The following DDX10 variants were observed in gnomAD, a reference collection of about 807,000 sequenced individuals.
DDX10 encodes probable ATP-dependent RNA helicase DDX10.
In DDX10, 74 loss-of-function variants were observed where a neutral mutation model predicts 104.3. The ratio of observed to expected loss-of-function variants is 0.71; its 90% CI spans 0.59 to 0.86. The LOEUF is 0.86. DDX10 is among the 40% of genes least tolerant of loss of function. The pLI, the probability that DDX10 is intolerant of heterozygous loss-of-function variation, is 0.00. For missense variants in DDX10, 952 were observed against 1,040.0 expected (o/e 0.92, Z 1.16); for synonymous variants, 351 against 353.4 (o/e 0.99, Z 0.08).
intron 13 of DDX10, among the ~76,000 whole-genome samples, chr11:108,725,205 T>C (rs1376087345): frequency 6.6e-6 from 1 of 152,136 alleles, no homozygotes; most frequent in Non-Finnish European, 1.5e-5. Context: ...GATGTAGGTT[T>C]TCTTAAGCTT....
intron 13 of DDX10, among the ~76,000 whole-genome samples, chr11:108,757,855 C>CA (rs2094346302): frequency 6.6e-6 from 1 of 151,964 alleles, no homozygotes; most frequent in South Asian, 2.1e-4. Context: ...ACTCTGTGAT[C>CA]GATCTCTTAA....
intron 13 of DDX10, among the ~76,000 whole-genome samples, chr11:108,766,401 A>G (rs901528226): frequency 2.0e-5 from 3 of 152,222 alleles, no homozygotes; most frequent in Non-Finnish European, 2.9e-5. Flanking sequence ...ACTCAAGTAC[A>G]TACCTATGTA....
chr11:108,839,183 G>T (rs1862602559), intron 14 of DDX10, among the ~76,000 whole-genome samples: 1 of 152,184 alleles, frequency 6.6e-6, no homozygotes, highest in African/African-American at 2.4e-5. Flanking sequence ...AATAGATCCA[G>T]TATGTCAAGT....
At chr11:108,686,717 C>T (rs2094244668) in intron 6 of DDX10, among the ~76,000 whole-genome samples, 3 of 152,150 alleles carry the variant, frequency 2.0e-5, no homozygotes, top group Admixed American at 2.0e-4. Context: ...TTTTGCAGAT[C>T]TTTGTGTGGA....
At chr11:108,733,786 G>C (rs534052645) in intron 13 of DDX10, among the ~76,000 whole-genome samples, 1 of 151,784 alleles carries the variant, frequency 6.6e-6, no homozygotes. Context: ...ATTGGTTCTC[G>C]TTGTTCTTCT....
In DDX10 at chr11:108,841,387, A is replaced by G. The variant is rs778802189; in HGVS notation, c.2158A>G (p.Ile720Val). 5.6e-6 allele frequency: 9 copies of G among 1,613,820 alleles called. No homozygotes were observed. The African/African-American group carries it at 1.2e-4, about 22-fold the overall frequency. ...TGAGGAAGATGATGACACAGGTGGT[A>G]TCAACTTACATAAAGCAAAGGAAAG... ...DAEEDDDTGG[I>V]NLHKAKERLQ... The change falls in exon 15 of 18, where the codon ATC (isoleucine) becomes GTC (valine). Residue 720 changes from isoleucine to valine, a missense_variant. By Grantham distance (29) the Ile-to-Val change is conservative. Transcript: ENST00000322536.
rs2094255434 is a variant in DDX10, at chr11:108,693,427, A to G, written c.1139-89A>G. 4.4e-6 allele frequency: 4 copies of G among 912,308 alleles called. No homozygotes were observed. The East Asian group carries it at 9.6e-5, about 22-fold the overall frequency. 56.5% of individuals were successfully genotyped at this position (912,308 alleles called of 1,614,324 possible). ...TATCCATCAGTTTGATGTGATGAAA[A>G]GTCCTGGCAAGCAATATTTTAAGAT... is the stretch of plus-strand genomic sequence containing the variant. On this transcript the variant is annotated intron_variant, in intron 8 of 17. Transcript: ENST00000322536.
At chr11:108,741,653 G>C (rs1311730507) in intron 13 of DDX10, among the ~76,000 whole-genome samples, 1 of 152,136 alleles carries the variant, frequency 6.6e-6, no homozygotes, top group Non-Finnish European at 1.5e-5. Flanking sequence ...ATTGATTTTT[G>C]TATCCTGAAA....
rs1336203233 is a variant in DDX10 at position 108,841,355 on chromosome 11, A to G, written c.2126A>G (p.Lys709Arg). Residue 709 changes from lysine (K) to arginine (R), a missense_variant, in exon 15 of 18, where the codon AAG becomes AGG. Transcript: ENST00000322536. ...QWPQMQKSAI[K>R]DAEEDDDTGG... The stretch of plus-strand genomic sequence containing the variant: ...CCACAAATGCAGAAATCTGCCATCA[A>G]GGATGCTGAGGAAGATGATGACACA... 4 of 1,613,730 alleles carry G rather than the reference A, an allele frequency of 2.5e-6. No homozygotes were observed. Among genetic ancestry groups the G allele is most frequent in the Non-Finnish European group, 3.4e-6 (4 of 1,179,886 alleles).
chr11:108,737,717 T>A (rs2134491710), intron 13 of DDX10, among the ~76,000 whole-genome samples: 1 of 152,310 alleles, frequency 6.6e-6, no homozygotes, highest in South Asian at 2.1e-4. Flanking sequence ...GGAGCCGTTT[T>A]CCTTCCTGTT....
chr11:108,921,638 T>A (rs950449626), intron 17 of DDX10: 1 of 152,220 alleles, frequency 6.6e-6, no homozygotes, highest in East Asian at 1.9e-4. Flanking sequence ...TTCACTCTTA[T>A]GGGACTAGAT....
intron 16 of DDX10, among the ~76,000 whole-genome samples, chr11:108,879,497 G>A (rs1040011499): frequency 6.6e-6 from 1 of 152,098 alleles, no homozygotes; most frequent in Non-Finnish European, 1.5e-5. Flanking sequence ...TTTCTACATT[G>A]CTCCCACTGA....
intron 13 of DDX10, among the ~76,000 whole-genome samples, chr11:108,808,721 G>GCTCATGTCT (rs1862135772): frequency 6.6e-6 from 1 of 152,102 alleles, no homozygotes. Context: ...TGTCAGCCAT[G>GCTCATGTCT]CTCATGTCTC....
rs1863280597 is a variant in DDX10 at position 108,885,236 on chromosome 11, A to G, written c.2305-32637A>G. Among the ~76,000 whole-genome samples, 4 of 152,040 alleles carry G rather than the reference A, an allele frequency of 2.6e-5. No individual in the cohort carries two copies. In the South Asian group the frequency reaches 8.3e-4, roughly 32 times the overall value. On this transcript the variant is annotated intron_variant, in intron 16 of 17. Coordinates refer to ENST00000322536, the MANE Select transcript of DDX10 (RefSeq NM_004398.4). The stretch of plus-strand genomic sequence containing the variant: ...ACTACCAGTTTTTTCTCAAACTCAT[A>G]TCTAATCTTGTCATTCTCCTGGTAC...
rs750613400 is a variant in DDX10 at position 108,852,162 on chromosome 11, C to G, written c.2257C>G (p.Leu753Val). ...KIKAKHREKRLKEREARREAN... is the reference protein window; with the variant it reads ...KIKAKHREKRVKEREARREAN... ...TCTTCCTTGTCTCCAGGAGAAAAGA[C>G]TGAAAGAAAGGGAAGCCAGAAGAGA... Residue 753 changes from leucine to valine, a missense_variant, in exon 16 of 18, where the codon CTG becomes GTG. Physicochemically the swap from Leu to Val is conservative, Grantham distance 32 (BLOSUM62 1). This residue lies in a region of DDX10 where 533 missense variants were observed against 534.1 expected (regional missense o/e 1.00). Transcript: ENST00000322536. The G allele has an allele frequency of 2.2e-5, 36 of 1,610,438 alleles. No homozygotes were observed. In the East Asian group the frequency reaches 7.6e-4, roughly 34 times the overall value.
At chr11:108,675,945 TACTG>T (rs1480634985) in intron 3 of DDX10, among the ~76,000 whole-genome samples, 4 of 152,230 alleles carry the variant, frequency 2.6e-5, no homozygotes, top group Non-Finnish European at 4.4e-5. Flanking sequence ...CTCAATAACT[TACTG>T]AATGAATGAA....
intron 16 of DDX10, among the ~76,000 whole-genome samples, chr11:108,907,624 C>T (rs1863614751): frequency 6.6e-6 from 1 of 152,172 alleles, no homozygotes; most frequent in Non-Finnish European, 1.5e-5. Flanking sequence ...AATGTGTTGC[C>T]TTCCTCTCAT....
At chr11:108,701,204 A>C (rs1453932026) in intron 9 of DDX10, among the ~76,000 whole-genome samples, 1 of 152,064 alleles carries the variant, frequency 6.6e-6, no homozygotes, top group African/African-American at 2.4e-5. Flanking sequence ...TCTTGGAATA[A>C]GCTCTCCTTT....
At chr11:108,831,379 G>A (rs566635314) in intron 13 of DDX10, among the ~76,000 whole-genome samples, 1 of 147,168 alleles carries the variant, frequency 6.8e-6, no homozygotes, top group Non-Finnish European at 1.5e-5. Context: ...ACTCTTCCCT[G>A]GCGCCACTGC....
Sources: gnomAD v4.1 joint callset for allele counts (sites outside exome capture counted in the v4.1 genomes callset) on GRCh38, gnomAD v4.1.1 for gene constraint, gnomAD v4.1.1 regional missense constraint, MANE v1.5 for transcripts, NCBI Gene and HGNC (gene_info 2026-07-23, HGNC 2026-07-21) for gene names.